The following DHRS7 variants were observed in gnomAD, a reference collection of about 807,000 sequenced individuals.
The protein encoded by DHRS7 is dehydrogenase/reductase 7.
A neutral mutation model predicts 38.9 loss-of-function variants in DHRS7; 34 were observed. That is an observed-to-expected ratio of 0.87 (90% CI 0.66 to 1.16). The LOEUF is 1.16. Among genes scored for constraint, DHRS7 ranks in the 50% most tolerant of loss-of-function variants. The pLI, the probability that DHRS7 is intolerant of heterozygous loss-of-function variation, is 0.00. For synonymous variants in DHRS7, 158 were observed against 153.1 expected (o/e 1.03, Z -0.24); for missense variants, 421 against 407.0 (o/e 1.03, Z -0.30).
In DHRS7 at chr14:60,148,503, A is replaced by G. The variant is rs1014640272; in HGVS notation, c.972+850T>C. On this transcript the variant is annotated intron_variant, in intron 6 of 6. Transcript: ENST00000557185. This position sits in a 1 kb window ranked among gnomAD's most constrained non-coding sequence, Gnocchi z 4.8. Reference sequence around the variant, plus strand: ...TAATAGTATTCCCTGACTAATTGCTATAAAGAATGAGTGCTGAAAGAATGA... The same window carrying G: ...TAATAGTATTCCCTGACTAATTGCTGTAAAGAATGAGTGCTGAAAGAATGA... Among the ~76,000 whole-genome samples the G allele has an allele frequency of 3.3e-5, 5 of 152,242 alleles. No homozygotes were observed. Among genetic ancestry groups the G allele is most frequent in the African/African-American group, 9.6e-5 (4 of 41,460 alleles).
chr14:60,151,187 G>A (rs1896537034), intron 4 of DHRS7, among the ~76,000 whole-genome samples: 2 of 152,174 alleles, frequency 1.3e-5, no homozygotes, highest in South Asian at 2.1e-4. Flanking sequence ...TGGGTAATAA[G>A]AGGGTATGTG....
At chr14:60,150,472 C>T (rs781364409) in intron 4 of DHRS7, among the ~76,000 whole-genome samples, 1 of 152,082 alleles carries the variant, frequency 6.6e-6, no homozygotes, top group African/African-American at 2.4e-5. Context: ...CCCACTCCCC[C>T]CACCCCATGA....
At chr14:60,159,898 A>G (rs1327105732) in intron 1 of DHRS7, among the ~76,000 whole-genome samples, 2 of 152,258 alleles carry the variant, frequency 1.3e-5, no homozygotes. Context: ...AGAGCTTCTC[A>G]TTTGTGATAT....
chr14:60,168,594 A>T, upstream of DHRS7: 1 of 1,409,546 alleles, frequency 7.1e-7, no homozygotes, highest in Non-Finnish European at 9.5e-7. Flanking sequence ...AAGTTAAAAA[A>T]ATTAGGTTAA....
chr14:60,149,592 G>T (rs1334470929), intron 5 of DHRS7, 24 bp from the exon 6 acceptor site: 9 of 1,550,242 alleles, frequency 5.8e-6, no homozygotes, highest in Admixed American at 1.9e-5. Flanking sequence ...AAAATTAAGT[G>T]AATTTATCCA....
rs1896355145 is a variant in DHRS7, at chr14:60,144,793, A to G, written c.*173T>C. 2 of 621,838 alleles carry G rather than the reference A, an allele frequency of 3.2e-6. No individual in the cohort carries two copies. The highest frequency in any genetic ancestry group is 4.2e-5 in the South Asian group (2 of 47,570). The allele number at this position is 621,838 out of a possible 1,614,324, so 38.5% of individuals were successfully genotyped here. On this transcript the variant is annotated 3_prime_UTR_variant, in exon 7 of 7. Transcript: ENST00000557185. ...AGTTAATACCTTTTTTGCAAGATTCATGGCAATCTTTTATTATTTATTTTT... is the reference window on the plus strand; with the variant it reads ...AGTTAATACCTTTTTTGCAAGATTCGTGGCAATCTTTTATTATTTATTTTT...
chr14:60,149,431 C>T lies in DHRS7; in HGVS notation c.894G>A (p.Trp298Ter). 3 of 1,614,140 alleles carry T rather than the reference C, an allele frequency of 1.9e-6. No individual in the cohort carries two copies. The highest frequency in any genetic ancestry group is 2.5e-6 in the Non-Finnish European group (3 of 1,180,024). ...EQPFLLVTYL[W>*]QYMPTWAWWI... ...ACCAGGCCCAGGTTGGCATGTATTG[C>T]CACAAATATGTTACTAACAAGAAAG... is the stretch of plus-strand genomic sequence containing the variant. Residue 298 changes from tryptophan to a stop codon, truncating the protein, a stop_gained, in exon 6 of 7, where the codon TGG (tryptophan) becomes TGA (stop). Transcript: ENST00000557185. LOFTEE classifies it high-confidence loss of function.
At position 60,153,272 on chromosome 14, in the gene DHRS7, A is replaced by G. The variant is rs1896588491; in HGVS notation, c.394-94T>C. 7.1e-7 allele frequency: 1 copy of G among 1,412,904 alleles called. No individual in the cohort carries two copies. The highest frequency in any genetic ancestry group is 9.7e-7 in the Non-Finnish European group (1 of 1,030,506). The allele number at this position is 1,412,904 out of a possible 1,614,324, so 87.5% of individuals were successfully genotyped here. On this transcript the variant is annotated intron_variant, in intron 3 of 6. Coordinates refer to ENST00000557185, the MANE Select transcript of DHRS7 (RefSeq NM_016029.4). The surrounding 1 kb of genome is among the most constrained non-coding windows in gnomAD (Gnocchi z 4.4). The stretch of plus-strand genomic sequence containing the variant: ...GGATGGTTGGTTATTTTGTTAACTT[A>G]AAGAATCAATGGAACAATGGTATAT...
chr14:60,152,205 C>G (rs1408451085), intron 4 of DHRS7, among the ~76,000 whole-genome samples: 1 of 152,208 alleles, frequency 6.6e-6, no homozygotes, highest in Admixed American at 6.5e-5. Flanking sequence ...AATTTTGTGT[C>G]TTCCTTAATC....
upstream of DHRS7, among the ~76,000 whole-genome samples, chr14:60,167,393 G>A (rs1254027): frequency 0.27 from 40,777 of 152,204 alleles, 7,465 homozygotes; most frequent in African/African-American, 0.52. Context: ...AATAAAGTCC[G>A]AAAGTCTTTT....
At chr14:60,160,044 G>T (rs540786872) in intron 1 of DHRS7, among the ~76,000 whole-genome samples, 1 of 152,084 alleles carries the variant, frequency 6.6e-6, no homozygotes, top group African/African-American at 2.4e-5. Context: ...ACTTCTTTTT[G>T]GCCAGGTACA....
rs777910825 is a variant in DHRS7, at chr14:60,149,470, C to G, written c.855G>C (p.Trp285Cys). ...CTAACAAGAAAGGTTGTTCTGAGAT[C>G]CAAACTTCTTTCAAATCATTGGCCA... is the stretch of plus-strand genomic sequence containing the variant. ...ISMANDLKEV[W>C]ISEQPFLLVT... The change falls in exon 6 of 7, where the codon TGG (tryptophan) becomes TGC (cysteine). Residue 285 changes from tryptophan to cysteine, a missense_variant. Physicochemically the swap from Trp to Cys is radical, Grantham distance 215. Coordinates refer to ENST00000557185, the MANE Select transcript of DHRS7 (RefSeq NM_016029.4). 1.2e-6 allele frequency: 2 copies of G among 1,614,118 alleles called. No individual in the cohort carries two copies. Among genetic ancestry groups the G allele is most frequent in the Non-Finnish European group, 1.7e-6 (2 of 1,180,002 alleles).
chr14:60,169,447 G>C (rs909332370), upstream of DHRS7, among the ~76,000 whole-genome samples: 1 of 152,236 alleles, frequency 6.6e-6, no homozygotes, highest in Admixed American at 6.5e-5. Flanking sequence ...AGCTATTGCA[G>C]CTTCTACCTC....
intron 1 of DHRS7, among the ~76,000 whole-genome samples, chr14:60,160,590 G>A (rs911807151): frequency 6.6e-6 from 1 of 151,516 alleles, no homozygotes; most frequent in Admixed American, 6.6e-5. Flanking sequence ...TTTGGCGGGG[G>A]GACGGGGGGA....
At position 60,145,401 on chromosome 14, in the gene DHRS7, A is replaced by G. The variant is rs410047; in HGVS notation, c.973-388T>C. Reference sequence around the variant, plus strand: ...TAACTCTTTAAAATTATTTGTGGCCAGGCAGGCACTGTGGCTCATGCCTGT... The same window carrying G: ...TAACTCTTTAAAATTATTTGTGGCCGGGCAGGCACTGTGGCTCATGCCTGT... On this transcript the variant is annotated intron_variant, in intron 6 of 6. Coordinates refer to ENST00000557185, the MANE Select transcript of DHRS7 (RefSeq NM_016029.4). This position sits in a 1 kb window ranked among gnomAD's most constrained non-coding sequence, Gnocchi z 4.0. 0.27 allele frequency: 41,541 copies of G among 153,316 alleles called. 7,668 individuals carry two copies. Among genetic ancestry groups the G allele is most frequent in the African/African-American group, 0.52 (21,513 of 41,466 alleles). The allele number at this position is 153,316 out of a possible 1,614,324, so 9.5% of individuals were successfully genotyped here.
intron 1 of DHRS7, 106 bp from the exon 2 acceptor site, chr14:60,156,258 G>T: frequency 3.1e-6 from 3 of 974,242 alleles, no homozygotes; most frequent in South Asian, 3.0e-5. Flanking sequence ...CACTAAATAT[G>T]AAGGCATGAT....
rs1195066869 is a variant in DHRS7 at position 60,144,770 on chromosome 14, T to A, written c.*196A>T. The A allele has an allele frequency of 2.1e-5, 12 of 582,068 alleles. No homozygotes were observed. In the East Asian group the frequency reaches 3.6e-4, roughly 18 times the overall value. The allele number at this position is 582,068 out of a possible 1,614,324, so 36.1% of individuals were successfully genotyped here. A position where few individuals can be genotyped will look rare whatever the true frequency, so the allele number is the denominator to read the frequency against. On this transcript the variant is annotated 3_prime_UTR_variant, in exon 7 of 7. Transcript: ENST00000557185. Reference sequence around the variant, plus strand: ...ATTTTATCCAAGAATATAGTATGAGTTAATACCTTTTTTGCAAGATTCATG... The same window carrying A: ...ATTTTATCCAAGAATATAGTATGAGATAATACCTTTTTTGCAAGATTCATG...
chr14:60,152,884 C>T (rs769467368), intron 4 of DHRS7, 55 bp downstream of exon 4: 2 of 1,596,264 alleles, frequency 1.3e-6, no homozygotes, highest in Non-Finnish European at 1.7e-6. Context: ...ATGGCCATAT[C>T]CCCCATATAC....
intron 4 of DHRS7, 136 bp from the exon 5 acceptor site, chr14:60,150,323 T>A: frequency 1.3e-6 from 1 of 758,434 alleles, no homozygotes; most frequent in Non-Finnish European, 1.9e-6. Flanking sequence ...AGGCACTTTT[T>A]TTTATTATTA....
Sources: allele counts gnomAD v4.1 joint callset (sites outside exome capture counted in the v4.1 genomes callset), GRCh38; gene constraint gnomAD v4.1.1; non-coding constraint Gnocchi (gnomAD v3.1); transcripts MANE v1.5; gene names NCBI Gene and HGNC (gene_info 2026-07-23, HGNC 2026-07-21).